LDHAL6A: variants seen among roughly 807,000 people sequenced by gnomAD.
LDHAL6A encodes L-lactate dehydrogenase A-like 6A.
Under a neutral mutation model 28.2 loss-of-function variants are expected in LDHAL6A, and 19 were observed. That is an observed-to-expected ratio of 0.67 (90% CI 0.47 to 0.99). LDHAL6A has a LOEUF of 0.99. Ranked by LOEUF, LDHAL6A falls within the 50% of genes least tolerant of loss-of-function variation. The pLI is 0.00. For synonymous variants in LDHAL6A, 144 were observed against 134.4 expected, an observed-to-expected ratio of 1.07 and a Z score of -0.49; for missense variants, 372 against 398.6, an observed-to-expected ratio of 0.93 and a Z score of 0.57.
chr11:18,468,036 TACATATATATACGTATATATATATAC>T (rs1849159383), intron 3 of LDHAL6A, among the ~76,000 whole-genome samples: 1 of 15,130 alleles, frequency 6.6e-5, no homozygotes, highest in Non-Finnish European at 1.5e-4. Flanking sequence ...TATATATATA[TACATATATATACGTATATATATATAC>T]ATATATATAT....
chr11:18,475,294 C>G (rs973198238), intron 3 of LDHAL6A, 172 bp from the exon 4 acceptor site: 29 of 542,734 alleles, frequency 5.3e-5, no homozygotes, highest in Non-Finnish European at 8.5e-5. Flanking sequence ...TTTTTCATTA[C>G]TTCTATTTGG....
At chr11:18,471,430 G>T (rs1326655826) in intron 3 of LDHAL6A, among the ~76,000 whole-genome samples, 1 of 151,308 alleles carries the variant, frequency 6.6e-6, no homozygotes, top group Non-Finnish European at 1.5e-5. Context: ...GGCTGGTCTT[G>T]AACTCCTGGC....
chr11:18,475,037 T>G (rs1264780689), intron 3 of LDHAL6A, among the ~76,000 whole-genome samples: 1 of 152,164 alleles, frequency 6.6e-6, no homozygotes, highest in Admixed American at 6.6e-5. Context: ...GGTCAGGAGT[T>G]TGAGACCAGC....
At chr11:18,473,049 TAAAAA>T (rs538269604) in intron 3 of LDHAL6A, among the ~76,000 whole-genome samples, 1 of 148,876 alleles carries the variant, frequency 6.7e-6, no homozygotes, top group East Asian at 2.0e-4. Flanking sequence ...CTACTACACT[TAAAAA>T]AAAAACCCAA....
chr11:18,467,968 CGTATATAT>C (rs1849139806), intron 3 of LDHAL6A, among the ~76,000 whole-genome samples: 1 of 11,386 alleles, frequency 8.8e-5, no homozygotes, highest in Non-Finnish European at 2.2e-4. Flanking sequence ...TATATATATA[CGTATATAT>C]ATACGTATAT....
intron 1 of LDHAL6A, among the ~76,000 whole-genome samples, chr11:18,457,489 G>C (rs746022715): frequency 1.3e-5 from 2 of 151,866 alleles, no homozygotes; most frequent in Non-Finnish European, 2.9e-5. Context: ...CTTTAATCCT[G>C]GCATGAGTCA....
At position 18,476,432 on chromosome 11, in the gene LDHAL6A, T is replaced by C. The variant is rs754611924; in HGVS notation, c.641T>C (p.Leu214Pro). 1.9e-6 allele frequency: 3 copies of C among 1,614,154 alleles called. No homozygotes were observed. The highest frequency in any genetic ancestry group is 2.5e-6 in the Non-Finnish European group (3 of 1,180,004). The part of the protein sequence containing the change: ...VNIAGVPLKD[L>P]NPDIGTDKDP... ...ATTGCTGGCGTCCCTCTGAAGGATC[T>C]GAACCCAGATATAGGAACTGATAAA... The change falls in exon 5 of 7, where the codon CTG (leucine) becomes CCG (proline). Residue 214 changes from leucine (L) to proline (P), a missense_variant. Physicochemically the swap from Leu to Pro is moderately conservative, Grantham distance 98. Around this residue, in one of 3 missense-constraint regions of LDHAL6A, gnomAD observed 291 missense variants for 302.9 expected, o/e 0.96. Coordinates refer to ENST00000280706, the MANE Select transcript of LDHAL6A (RefSeq NM_144972.5).
In LDHAL6A at chr11:18,475,517, GT is replaced by G; in HGVS notation, c.471del (p.Val158LeufsTer31). 1 of 1,613,786 alleles carries G rather than the reference GT, an allele frequency of 6.2e-7. No homozygotes were observed. The part of the protein sequence containing the change: ...AWKLSGFPKN[R>X]VIGSGCNLDS... ...AAGTTGAGTGGATTTCCCAAAAACCGTGTTATTGGAAGTGGTTGTAATCTGG... is the reference window on the plus strand; with the variant it reads ...AAGTTGAGTGGATTTCCCAAAAACCGGTTATTGGAAGTGGTTGTAATCTGG... On this transcript the variant is annotated frameshift_variant, in exon 4 of 7. Coordinates refer to ENST00000280706, the MANE Select transcript of LDHAL6A (RefSeq NM_144972.5). LOFTEE classifies it high-confidence loss of function.
At chr11:18,472,938 C>T (rs1198641540) in intron 3 of LDHAL6A, among the ~76,000 whole-genome samples, 1 of 152,048 alleles carries the variant, frequency 6.6e-6, no homozygotes, top group Admixed American at 6.5e-5. Flanking sequence ...ATTTTGACTT[C>T]ATTAATGGAA....
Position 18,477,452 on chromosome 11 carries a change from TAAAA to T in LDHAL6A, c.711-159_711-156del, listed in dbSNP as rs112745078. Among the ~76,000 whole-genome samples the T allele has an allele frequency of 2.2e-4, 32 of 144,432 alleles. 1 individual carries two copies. Among genetic ancestry groups the T allele is most frequent in the African/African-American group, 7.9e-4 (31 of 39,232 alleles). 94.8% of individuals were successfully genotyped at this position (144,432 alleles called of 152,430 possible). A position where few individuals can be genotyped will look rare whatever the true frequency, so the allele number is the denominator to read the frequency against. On this transcript the variant is annotated intron_variant, in intron 5 of 6. Transcript: ENST00000280706. Reference sequence around the variant, plus strand: ...CCAGCCTGGGTGACAGAGCAAGACTTAAAAAAAAAAAAGAAGAAAGAAAAAATGC... The same window carrying T: ...CCAGCCTGGGTGACAGAGCAAGACTTAAAAAAAAGAAGAAAGAAAAAATGC...
rs372150746 is a variant in LDHAL6A, at chr11:18,476,463, T to C, written c.672T>C (p.Pro224=). Reference sequence around the variant, plus strand: ...CAGATATAGGAACTGATAAAGATCCTGAGCAGTGGGAAAATGTCCACAAAA... The same window carrying C: ...CAGATATAGGAACTGATAAAGATCCCGAGCAGTGGGAAAATGTCCACAAAA... The part of the protein sequence containing the change: ...LNPDIGTDKD[P]EQWENVHKKV... Residue 224 remains proline, a synonymous_variant, in exon 5 of 7, where the codon CCT becomes CCC. Coordinates refer to ENST00000280706, the MANE Select transcript of LDHAL6A (RefSeq NM_144972.5). The C allele has an allele frequency of 1.2e-6, 2 of 1,614,008 alleles. No homozygotes were observed. The highest frequency in any genetic ancestry group is 1.7e-6 in the Non-Finnish European group (2 of 1,179,996).
At chr11:18,467,898 T>TACACACAC (rs1554967409) in intron 3 of LDHAL6A, among the ~76,000 whole-genome samples, 2 of 68,222 alleles carry the variant, frequency 2.9e-5, no homozygotes, top group African/African-American at 1.7e-4. Flanking sequence ...TATATATATA[T>TACACACAC]ATATATATAT....
rs539278762 is a variant in LDHAL6A at position 18,462,675 on chromosome 11, A to C, written c.127-1286A>C. Among the ~76,000 whole-genome samples, 13 of 145,140 alleles carry C rather than the reference A, an allele frequency of 9.0e-5. 1 individual carries two copies. The highest frequency in any genetic ancestry group is 4.3e-4 in the South Asian group (2 of 4,612). On this transcript the variant is annotated intron_variant, in intron 1 of 6. Transcript: ENST00000280706. ...ACAAACAAAAAAAAAAACAAAAAAA[A>C]CCCAAAAATTAGCTGGGCATGGTGG...
At chr11:18,461,600 C>T (rs999050987) in intron 1 of LDHAL6A, among the ~76,000 whole-genome samples, 1 of 151,874 alleles carries the variant, frequency 6.6e-6, no homozygotes, top group Non-Finnish European at 1.5e-5. Context: ...CCTGTAATCC[C>T]AGTACTTTGG....
intron 2 of LDHAL6A, among the ~76,000 whole-genome samples, chr11:18,465,284 G>A (rs1272500255): frequency 6.6e-6 from 1 of 151,904 alleles, no homozygotes; most frequent in Non-Finnish European, 1.5e-5. Flanking sequence ...CACTGTGCCT[G>A]GCTAATTTTT....
rs185458513 is a variant in LDHAL6A, at chr11:18,475,053, C to G, written c.419-413C>G. 4.6e-3 allele frequency among the ~76,000 whole-genome samples: 697 copies of G among 152,260 alleles called. 8 individuals carry two copies. The highest frequency in any genetic ancestry group is 0.016 in the African/African-American group (672 of 41,550). On this transcript the variant is annotated intron_variant, in intron 3 of 6. Transcript: ENST00000280706. The stretch of plus-strand genomic sequence containing the variant: ...GTCAGGAGTTTGAGACCAGCCTGGC[C>G]AACATAGTGAAACCCCACCTCTACT...
chr11:18,474,816 G>A (rs753602368), intron 3 of LDHAL6A, among the ~76,000 whole-genome samples: 11 of 152,312 alleles, frequency 7.2e-5, no homozygotes, highest in Non-Finnish European at 1.6e-4. Context: ...GGGCAGCACA[G>A]CAAGACCCTG....
intron 3 of LDHAL6A, among the ~76,000 whole-genome samples, chr11:18,467,926 C>CGT (rs1849128572): frequency 1.8e-5 from 1 of 55,470 alleles, no homozygotes; most frequent in African/African-American, 9.6e-5. Flanking sequence ...TATACACACA[C>CGT]ATATATATAT....
Position 18,456,561 on chromosome 11 carries a change from C to CAT in LDHAL6A, c.-119_-118insTA. ...TTTGTGTGTCTGCAGCACCTCCTTC[C>CAT]ACACGGGCCCAGGAGTTCTCTATAC... On this transcript the variant is annotated 5_prime_UTR_variant, in exon 1 of 7. It introduces an in-frame stop codon into an upstream open reading frame of the 5' UTR. Transcript: ENST00000280706. The CAT allele has an allele frequency of 1.2e-6, 1 of 824,024 alleles. No individual in the cohort carries two copies. Among genetic ancestry groups the CAT allele is most frequent in the Non-Finnish European group, 1.9e-6 (1 of 528,924 alleles). The allele number at this position is 824,024 out of a possible 1,614,324, so 51.0% of individuals were successfully genotyped here.
Sources: gnomAD v4.1 joint callset for allele counts (sites outside exome capture counted in the v4.1 genomes callset) on GRCh38, gnomAD v4.1.1 for gene constraint, gnomAD v4.1.1 regional missense constraint, MANE v1.5 for transcripts, NCBI Gene and HGNC (gene_info 2026-07-23, HGNC 2026-07-21) for gene names.